The following MYL3 variants were observed in gnomAD, a reference collection of about 807,000 sequenced individuals.
The protein encoded by MYL3 is myosin light chain 3.
Under a neutral mutation model 21.3 loss-of-function variants are expected in MYL3, and 11 were observed. The ratio of observed to expected loss-of-function variants is 0.52; its 90% confidence interval spans 0.32 to 0.85. MYL3 has a LOEUF of 0.85. Ranked by LOEUF, MYL3 falls within the 40% of genes least tolerant of loss-of-function variation. The pLI, the probability that MYL3 is intolerant of heterozygous loss-of-function variation, is 0.03. For missense variants in MYL3, 206 were observed against 253.3 expected, an observed-to-expected ratio of 0.81 and a Z score of 1.27; for synonymous variants, 88 against 91.6, an observed-to-expected ratio of 0.96 and a Z score of 0.22.
chr3:46,865,936 G>A (rs1158812115), upstream of MYL3, among the ~76,000 whole-genome samples: 1 of 152,144 alleles, frequency 6.6e-6, no homozygotes, highest in African/African-American at 2.4e-5. The surrounding 1 kb of genome is among the most constrained non-coding windows in gnomAD (Gnocchi z 4.3). Flanking sequence ...TGTCCCTGCT[G>A]GCTTGGGAAC....
upstream of MYL3, among the ~76,000 whole-genome samples, chr3:46,867,393 G>A (rs1003819513): frequency 6.6e-6 from 1 of 152,230 alleles, no homozygotes; most frequent in African/African-American, 2.4e-5. Context: ...AGGGGCACCG[G>A]GGGGTCACAC....
upstream of MYL3, among the ~76,000 whole-genome samples, chr3:46,865,171 C>A (rs2106916999): frequency 6.6e-6 from 1 of 152,338 alleles, no homozygotes; most frequent in Non-Finnish European, 1.5e-5. This position sits in a 1 kb window ranked among gnomAD's most constrained non-coding sequence, Gnocchi z 4.3. Context: ...GGAGGGACAG[C>A]AGTCCAGGGC....
At chr3:46,881,464 T>C (rs1025797046) in intron 1 of MYL3, among the ~76,000 whole-genome samples, 3 of 150,160 alleles carry the variant, frequency 2.0e-5, no homozygotes, top group Admixed American at 2.0e-4. Context: ...GGGAGGGAGG[T>C]GAAGCCTGAG....
chr3:46,865,819 G>A (rs1248850683), upstream of MYL3, among the ~76,000 whole-genome samples: 1 of 152,114 alleles, frequency 6.6e-6, no homozygotes, highest in African/African-American at 2.4e-5. The surrounding 1 kb of genome is among the most constrained non-coding windows in gnomAD (Gnocchi z 4.3). Flanking sequence ...GGGCAAACGT[G>A]GTCCTGCAGC....
In MYL3 at chr3:46,857,947, C is replaced by T; in HGVS notation, c.*168G>A. 1 of 527,522 alleles carries T rather than the reference C, an allele frequency of 1.9e-6. No individual in the cohort carries two copies. The allele number at this position is 527,522 out of a possible 1,614,324, so 32.7% of individuals were successfully genotyped here. A position where few individuals can be genotyped will look rare whatever the true frequency, so the allele number is the denominator to read the frequency against. Reference sequence around the variant, plus strand: ...GAGCTGCTGTCACAGGTAAGCACAGCCTGAGAGGGGCCAGAGACGGCAACC... The same window carrying T: ...GAGCTGCTGTCACAGGTAAGCACAGTCTGAGAGGGGCCAGAGACGGCAACC... On this transcript the variant is annotated 3_prime_UTR_variant, in exon 7 of 7. Transcript: ENST00000292327. This position sits in a 1 kb window ranked among gnomAD's most constrained non-coding sequence, Gnocchi z 5.0.
intron 1 of MYL3, among the ~76,000 whole-genome samples, chr3:46,873,382 A>C (rs1028328244): frequency 1.1e-4 from 16 of 152,224 alleles, no homozygotes; most frequent in African/African-American, 3.6e-4. Context: ...CCCAACACAC[A>C]GTAAGGTGCA....
In MYL3 at chr3:46,879,140, A is replaced by G. The variant is rs2030403910; in HGVS notation, c.-218+2934T>C. On this transcript the variant is annotated intron_variant, in intron 1 of 3. Coordinates refer to the MYL3 transcript ENST00000431168. This position sits in a 1 kb window ranked among gnomAD's most constrained non-coding sequence, Gnocchi z 4.7. ...CCCCACCCACAGCTGTGGAATGTCC[A>G]GCAGGGGACTCTGGGGTGAGGCACA... 6.6e-6 allele frequency among the ~76,000 whole-genome samples: 1 copy of G among 152,194 alleles called. No homozygotes were observed. The highest frequency in any genetic ancestry group is 1.9e-4 in the East Asian group (1 of 5,184).
At chr3:46,875,263 C>T (rs1467028611) in intron 1 of MYL3, among the ~76,000 whole-genome samples, 4 of 152,146 alleles carry the variant, frequency 2.6e-5, no homozygotes, top group East Asian at 1.9e-4. Context: ...CCTGAGGGCC[C>T]CATCCCTCAG....
Position 46,861,130 on chromosome 3 carries a change from C to T in MYL3, c.130-143G>A. ...TCCCAGCCTGCACCCCCAGGACCTC[C>T]TGCAGTCCATCTTGACGCCCTCCTG... On this transcript the variant is annotated intron_variant, in intron 1 of 6. Coordinates refer to ENST00000292327, the MANE Select transcript of MYL3 (RefSeq NM_000258.3). This position sits in a 1 kb window ranked among gnomAD's most constrained non-coding sequence, Gnocchi z 4.2. The T allele has an allele frequency of 1.0e-6, 1 of 958,050 alleles. No homozygotes were observed. The highest frequency in any genetic ancestry group is 2.2e-4 in the Middle Eastern group (1 of 4,456). The allele number at this position is 958,050 out of a possible 1,614,324, so 59.3% of individuals were successfully genotyped here. A position where few individuals can be genotyped will look rare whatever the true frequency, so the allele number is the denominator to read the frequency against.
rs1701953138 is a variant in MYL3 at position 46,858,273 on chromosome 3, C to G, written c.560-1G>C. 1 of 1,614,152 alleles carries G rather than the reference C, an allele frequency of 6.2e-7. No individual in the cohort carries two copies. The highest frequency in any genetic ancestry group is 8.5e-7 in the Non-Finnish European group (1 of 1,180,018). On this transcript the variant is annotated splice_acceptor_variant, in intron 5 of 6. Coordinates refer to ENST00000292327, the MANE Select transcript of MYL3 (RefSeq NM_000258.3). LOFTEE classifies it high-confidence loss of function. ...CTGGACATGATGTGCTTCACAAATG[C>G]TGGAAAGAAGAGGAGAGTGAGTGGC...
chr3:46,859,440 G>A lies in MYL3; in HGVS notation c.481+35C>T, dbSNP rs1701966015. 7 of 1,613,528 alleles carry A rather than the reference G, an allele frequency of 4.3e-6. No homozygotes were observed. Among genetic ancestry groups the A allele is most frequent in the East Asian group, 4.5e-5 (2 of 44,880 alleles). On this transcript the variant is annotated intron_variant, in intron 4 of 6. Transcript: ENST00000292327. The surrounding 1 kb of genome is among the most constrained non-coding windows in gnomAD (Gnocchi z 4.1). ...AGTGGTTTCTCCCAGGATGTCCCTG[G>A]AAGGAGTTGGGGTAGGGGAGGAGGC... is the stretch of plus-strand genomic sequence containing the variant.
At chr3:46,875,272 A>G (rs2030147112) in intron 1 of MYL3, among the ~76,000 whole-genome samples, 1 of 152,194 alleles carries the variant, frequency 6.6e-6, no homozygotes, top group African/African-American at 2.4e-5. Context: ...CCCATCCCTC[A>G]GCATCCAATC....
upstream of MYL3, among the ~76,000 whole-genome samples, chr3:46,867,214 G>A (rs1702054219): frequency 6.6e-6 from 1 of 151,692 alleles, no homozygotes; most frequent in Admixed American, 6.6e-5. Flanking sequence ...CCAGACCCCA[G>A]ACACAGGAAC....
intron 1 of MYL3, among the ~76,000 whole-genome samples, chr3:46,878,461 G>A (rs181915774): frequency 2.6e-5 from 4 of 152,204 alleles, no homozygotes; most frequent in Non-Finnish European, 5.9e-5. Flanking sequence ...CCTGAGGCTG[G>A]GGCTCATGAT....
chr3:46,863,893 C>T (rs1702020110), upstream of MYL3, among the ~76,000 whole-genome samples: 1 of 152,150 alleles, frequency 6.6e-6, no homozygotes, highest in Non-Finnish European at 1.5e-5. Context: ...GTGTCTGTGT[C>T]TGTGTCTATG....
Position 46,879,471 on chromosome 3 carries a change from G to A in MYL3, c.-218+2603C>T, listed in dbSNP as rs556739742. Among the ~76,000 whole-genome samples, 20 of 152,338 alleles carry A rather than the reference G, an allele frequency of 1.3e-4. No homozygotes were observed. The highest frequency in any genetic ancestry group is 6.5e-4 in the Admixed American group (10 of 15,304). ...AGAAACAGAGGCATAGGCCAGGTGCGGTGGTTCATGCCTGTAATCCCAGCA... is the reference window on the plus strand; with the variant it reads ...AGAAACAGAGGCATAGGCCAGGTGCAGTGGTTCATGCCTGTAATCCCAGCA... On this transcript the variant is annotated intron_variant, in intron 1 of 3. Transcript: ENST00000431168. This position sits in a 1 kb window ranked among gnomAD's most constrained non-coding sequence, Gnocchi z 4.7.
At chr3:46,869,574 G>A (rs1283117877) in intron 1 of MYL3, among the ~76,000 whole-genome samples, 2 of 152,260 alleles carry the variant, frequency 1.3e-5, no homozygotes, top group African/African-American at 4.8e-5. Flanking sequence ...GTCTATGTGT[G>A]TGTAACCATG....
At chr3:46,872,127 T>TGGACCTGAGTGTCCTCCTTCCCC (rs1463162766) in intron 1 of MYL3, among the ~76,000 whole-genome samples, 33 of 152,326 alleles carry the variant, frequency 2.2e-4, no homozygotes, top group Admixed American at 2.6e-4. Context: ...GGGGCATCCC[T>TGGACCTGAGTGTCCTCCTTCCCC]GGACCTGAGT....
At chr3:46,875,105 T>C (rs2106927265) in intron 1 of MYL3, among the ~76,000 whole-genome samples, 1 of 152,262 alleles carries the variant, frequency 6.6e-6, no homozygotes, top group African/African-American at 2.4e-5. Context: ...TGGACAAGAT[T>C]TGGACCCCCA....
Sources: allele counts gnomAD v4.1 joint callset (sites outside exome capture counted in the v4.1 genomes callset), GRCh38; gene constraint gnomAD v4.1.1; non-coding constraint Gnocchi (gnomAD v3.1); transcripts MANE v1.5; gene names NCBI Gene and HGNC (gene_info 2026-07-23, HGNC 2026-07-21).